Variants in CDK14 observed in about 807,000 individuals in gnomAD.
The protein encoded by CDK14 is cyclin dependent kinase 14, also known as cyclin-dependent kinase 14.
CDK14 carries 34 observed loss-of-function variants against 60.7 expected under a neutral mutation model. That is an observed-to-expected ratio of 0.56 (90% CI 0.43 to 0.75). The LOEUF (loss-of-function observed/expected upper bound fraction) is 0.75. Among genes scored for constraint, CDK14 ranks in the 30% least tolerant of loss-of-function variants. CDK14 has a pLI of 0.00. For missense variants in CDK14, 482 were observed against 564.1 expected (o/e 0.85, Z 1.47); for synonymous variants, 197 against 203.7 (o/e 0.97, Z 0.28).
intron 4 of CDK14, among the ~76,000 whole-genome samples, chr7:90,784,885 TAA>T (rs1026059242): frequency 6.6e-6 from 1 of 152,194 alleles, no homozygotes; most frequent in African/African-American, 2.4e-5. Context: ...AACTAGCATA[TAA>T]AGAGGGAATT....
chr7:90,812,211 C>G (rs988703696), intron 5 of CDK14, among the ~76,000 whole-genome samples: 15 of 152,148 alleles, frequency 9.9e-5, no homozygotes, highest in Non-Finnish European at 2.9e-5. Flanking sequence ...AGACTTGGAA[C>G]CAACCCAAAT....
chr7:90,711,779 T>C lies in CDK14; in HGVS notation c.124-14788T>C, dbSNP rs571122594. On this transcript the variant is annotated intron_variant, in intron 2 of 14. Coordinates refer to ENST00000380050, the MANE Select transcript of CDK14 (RefSeq NM_001287135.2). ...AGTTTGGTGCTTTTTAATCCTCTCC[T>C]TTTAAAAAAGCATTTTTTGGTTAAA... Among the ~76,000 whole-genome samples the C allele has an allele frequency of 2.6e-5, 4 of 152,228 alleles. No individual in the cohort carries two copies. The South Asian group carries it at 8.3e-4, about 31-fold the overall frequency.
At chr7:90,856,874 A>G (rs1790834132) in intron 5 of CDK14, among the ~76,000 whole-genome samples, 1 of 152,148 alleles carries the variant, frequency 6.6e-6, no homozygotes, top group African/African-American at 2.4e-5. Context: ...CTTAGGTTTC[A>G]TGAGTAGTCA....
chr7:91,142,076 G>A (rs1224949804), intron 14 of CDK14, among the ~76,000 whole-genome samples: 1 of 150,578 alleles, frequency 6.6e-6, no homozygotes, highest in East Asian at 1.9e-4. Context: ...TGCCCACCTG[G>A]GCCTCCCATA....
chr7:91,158,502 A>G (rs941436968), intron 14 of CDK14, among the ~76,000 whole-genome samples: 1 of 152,146 alleles, frequency 6.6e-6, no homozygotes, highest in Non-Finnish European at 1.5e-5. Context: ...CAGGCCAAAC[A>G]TAGAAATTTT....
intron 7 of CDK14, among the ~76,000 whole-genome samples, chr7:90,906,874 G>A (rs1034636766): frequency 3.9e-5 from 6 of 152,064 alleles, no homozygotes; most frequent in Non-Finnish European, 5.9e-5. Context: ...TTCTTGATGC[G>A]TATTTCTTGT....
At chr7:90,639,368 T>G (rs1345292923) in intron 2 of CDK14, among the ~76,000 whole-genome samples, 3 of 152,060 alleles carry the variant, frequency 2.0e-5, no homozygotes, top group African/African-American at 7.2e-5. Context: ...CAGCTGCAGG[T>G]CTGTTGGAGT....
intron 12 of CDK14, among the ~76,000 whole-genome samples, chr7:91,104,122 A>T (rs1362130092): frequency 4.6e-5 from 7 of 152,132 alleles, no homozygotes; most frequent in Non-Finnish European, 1.0e-4. Context: ...TACAAAATGA[A>T]TGTAGAATGA....
chr7:91,085,905 G>C (rs1341058676), intron 12 of CDK14, among the ~76,000 whole-genome samples: 2 of 152,232 alleles, frequency 1.3e-5, no homozygotes, highest in Non-Finnish European at 2.9e-5. Flanking sequence ...TTCTAGGTCT[G>C]TGCTGACAAA....
At chr7:90,732,410 G>C (rs1271440457) in intron 3 of CDK14, among the ~76,000 whole-genome samples, 1 of 152,208 alleles carries the variant, frequency 6.6e-6, no homozygotes, top group Non-Finnish European at 1.5e-5. Context: ...GTTTCAGAAG[G>C]AATGGTACCA....
At position 90,907,319 on chromosome 7, in the gene CDK14, C is replaced by A. The variant is rs1396758475; in HGVS notation, c.702+7966C>A. On this transcript the variant is annotated intron_variant, in intron 7 of 14. Coordinates refer to ENST00000380050, the MANE Select transcript of CDK14 (RefSeq NM_001287135.2). ...TGTATTAATTCTTGATTTTATAATT[C>A]TCAGTGGTCTACAGATTGACCATTG... 2.6e-5 allele frequency among the ~76,000 whole-genome samples: 4 copies of A among 151,920 alleles called. No individual in the cohort carries two copies. The East Asian group carries it at 7.7e-4, about 29-fold the overall frequency.
chr7:90,846,783 C>A (rs1250445928), intron 5 of CDK14, among the ~76,000 whole-genome samples: 1 of 152,068 alleles, frequency 6.6e-6, no homozygotes, highest in East Asian at 1.9e-4. Flanking sequence ...ATGAAAATCA[C>A]CTGAATAACC....
chr7:90,635,579 C>G (rs1375419137), intron 2 of CDK14, among the ~76,000 whole-genome samples: 4 of 152,178 alleles, frequency 2.6e-5, no homozygotes, highest in Non-Finnish European at 5.9e-5. Context: ...ATGCCTCCAG[C>G]TTTGTTCTTT....
At chr7:91,192,660 G>T (rs1365540629) in intron 14 of CDK14, among the ~76,000 whole-genome samples, 1 of 152,096 alleles carries the variant, frequency 6.6e-6, no homozygotes, top group African/African-American at 2.4e-5. Flanking sequence ...TTATTTTCAC[G>T]TACTAAATAA....
At chr7:91,141,903 G>T (rs1180688806) in intron 14 of CDK14, among the ~76,000 whole-genome samples, 4 of 152,026 alleles carry the variant, frequency 2.6e-5, no homozygotes, top group African/African-American at 9.7e-5. Context: ...TCCGCTCACT[G>T]CAAGCTCCGC....
At chr7:90,882,278 A>AAG (rs57914697) in intron 6 of CDK14, among the ~76,000 whole-genome samples, 4 of 151,142 alleles carry the variant, frequency 2.6e-5, no homozygotes, top group Non-Finnish European at 5.9e-5. Context: ...AAAAAAAAAA[A>AAG]GCAGGGATTG....
chr7:90,659,149 A>G (rs1194146281), intron 2 of CDK14, among the ~76,000 whole-genome samples: 1 of 152,220 alleles, frequency 6.6e-6, no homozygotes, highest in Non-Finnish European at 1.5e-5. Flanking sequence ...ATTTGTTCTA[A>G]AAACCTATAC....
rs1478518539 is a variant in CDK14, at chr7:91,209,036, A to G, written c.*1900A>G. 2.0e-5 allele frequency: 3 copies of G among 152,634 alleles called. No homozygotes were observed. Among genetic ancestry groups the G allele is most frequent in the African/African-American group, 7.2e-5 (3 of 41,456 alleles). 9.5% of individuals were successfully genotyped at this position (152,634 alleles called of 1,614,324 possible). ...ATTTCTTAAAGAAAACATAGGGAGAAAACTTTACATGCAATTAAAAATGGA... is the reference window on the plus strand; with the variant it reads ...ATTTCTTAAAGAAAACATAGGGAGAGAACTTTACATGCAATTAAAAATGGA... On this transcript the variant is annotated 3_prime_UTR_variant, in exon 15 of 15. Transcript: ENST00000380050.
At chr7:90,697,382 G>C (rs1417683984) in intron 2 of CDK14, among the ~76,000 whole-genome samples, 1 of 152,132 alleles carries the variant, frequency 6.6e-6, no homozygotes, top group Non-Finnish European at 1.5e-5. Context: ...TTTTTGTAGA[G>C]ATGGGGTCTT....
Sources: allele counts gnomAD v4.1 joint callset (sites outside exome capture counted in the v4.1 genomes callset), GRCh38; gene constraint gnomAD v4.1.1; transcripts MANE v1.5; gene names NCBI Gene and HGNC (gene_info 2026-07-23, HGNC 2026-07-21).